KCTD1: variants seen among roughly 807,000 people sequenced by gnomAD.
The protein encoded by KCTD1 is BTB/POZ domain-containing protein KCTD1.
Under a neutral mutation model 66.0 loss-of-function variants are expected in KCTD1, and 24 were observed. That is an observed-to-expected ratio of 0.36 (90% CI 0.26 to 0.51). The LOEUF is 0.51. Ranked by LOEUF, KCTD1 falls within the 20% of genes least tolerant of loss-of-function variation. KCTD1 has a pLI of 0.95. For synonymous variants in KCTD1, 511 were observed against 517.2 expected (o/e 0.99, Z 0.16); for missense variants, 943 against 1,205.2 (o/e 0.78, Z 3.22).
intron 1 of KCTD1, among the ~76,000 whole-genome samples, chr18:26,623,457 C>T (rs1238055521): frequency 6.6e-6 from 1 of 152,112 alleles, no homozygotes; most frequent in Non-Finnish European, 1.5e-5. Context: ...CCCCATGCTG[C>T]TGTTCTCATG....
At chr18:26,562,070 TA>T (rs1985866938) in intron 1 of KCTD1, among the ~76,000 whole-genome samples, 1 of 152,136 alleles carries the variant, frequency 6.6e-6, no homozygotes, top group Non-Finnish European at 1.5e-5. Flanking sequence ...AAATCCTAAC[TA>T]TGCCTTCGCC....
At chr18:26,577,273 A>G (rs1354168037) in intron 1 of KCTD1, among the ~76,000 whole-genome samples, 1 of 152,104 alleles carries the variant, frequency 6.6e-6, no homozygotes, top group Non-Finnish European at 1.5e-5. Flanking sequence ...TGATATTTAC[A>G]TCTGGGCTTT....
At chr18:26,501,465 C>G (rs908652867) in intron 1 of KCTD1, among the ~76,000 whole-genome samples, 1 of 152,192 alleles carries the variant, frequency 6.6e-6, no homozygotes, top group Non-Finnish European at 1.5e-5. Context: ...AAATAAGGAG[C>G]TGAACTAATG....
intron 2 of KCTD1, among the ~76,000 whole-genome samples, chr18:26,492,605 C>CAATAAATAAATAAATA (rs56266790): frequency 2.9e-5 from 4 of 138,544 alleles, no homozygotes; most frequent in South Asian, 2.5e-4. Flanking sequence ...GACACTGTCT[C>CAATAAATAAATAAATA]AATAAATAAA....
intron 1 of KCTD1, among the ~76,000 whole-genome samples, chr18:26,594,455 C>A (rs533266267): frequency 3.0e-4 from 45 of 152,258 alleles, no homozygotes; most frequent in Non-Finnish European, 6.0e-4. Flanking sequence ...CAAATTAAGT[C>A]TTTTAAAGTT....
At chr18:26,552,600 T>C (rs1284572397), upstream of KCTD1, among the ~76,000 whole-genome samples, 1 of 152,252 alleles carries the variant, frequency 6.6e-6, no homozygotes, top group Non-Finnish European at 1.5e-5. Flanking sequence ...TAATGGCTGC[T>C]TTGGATGAAT....
intron 1 of KCTD1, among the ~76,000 whole-genome samples, chr18:26,654,081 A>G (rs1218130875): frequency 6.6e-6 from 1 of 152,268 alleles, no homozygotes. Context: ...TCACATCAGA[A>G]GTAGAAAACT....
At chr18:26,642,526 A>G (rs981759786), upstream of KCTD1, among the ~76,000 whole-genome samples, 1 of 152,222 alleles carries the variant, frequency 6.6e-6, no homozygotes, top group Non-Finnish European at 1.5e-5. Context: ...TCAGTTGGAA[A>G]GTGGTAGGAA....
At chr18:26,628,792 C>T (rs1455999700) in intron 1 of KCTD1, among the ~76,000 whole-genome samples, 1 of 152,110 alleles carries the variant, frequency 6.6e-6, no homozygotes, top group Non-Finnish European at 1.5e-5. Flanking sequence ...AAGATAGAGG[C>T]TTCTAATTAA....
At chr18:26,579,573 T>C (rs1986306430) in intron 1 of KCTD1, among the ~76,000 whole-genome samples, 1 of 152,246 alleles carries the variant, frequency 6.6e-6, no homozygotes, top group Non-Finnish European at 1.5e-5. Context: ...AGCTGTGTTC[T>C]CTTAAAATAT....
chr18:26,578,128 C>T (rs1312577064), intron 1 of KCTD1, among the ~76,000 whole-genome samples: 1 of 146,664 alleles, frequency 6.8e-6, no homozygotes, highest in Non-Finnish European at 1.5e-5. Context: ...CCGATCTCGG[C>T]TCACTGCAAC....
chr18:26,470,611 G>A (rs149127753), intron 3 of KCTD1, among the ~76,000 whole-genome samples: 163 of 152,354 alleles, frequency 1.1e-3, no homozygotes, highest in African/African-American at 3.8e-3. Flanking sequence ...CTTCTCACGT[G>A]AGAAAAACAA....
chr18:26,496,354 T>C (rs1598896842), intron 2 of KCTD1, among the ~76,000 whole-genome samples: 2 of 152,332 alleles, frequency 1.3e-5, no homozygotes. Flanking sequence ...TTTTCTTGAC[T>C]TCATACTTAT....
chr18:26,600,098 T>C, intron 1 of KCTD1: 1 of 1,610,766 alleles, frequency 6.2e-7, no homozygotes, highest in Non-Finnish European at 8.5e-7. Context: ...CCGGCTTCCC[T>C]GCAGGCTGCT....
chr18:26,516,441 G>A (rs1444369749), intron 1 of KCTD1, among the ~76,000 whole-genome samples: 4 of 152,054 alleles, frequency 2.6e-5, no homozygotes, highest in Non-Finnish European at 5.9e-5. Flanking sequence ...CAGTCCTCCC[G>A]CCAACCAATC....
intron 3 of KCTD1, among the ~76,000 whole-genome samples, chr18:26,473,682 T>C (rs1981192381): frequency 6.6e-6 from 1 of 152,136 alleles, no homozygotes; most frequent in Non-Finnish European, 1.5e-5. Context: ...TTAGGAGCCA[T>C]GTTGCACAAA....
chr18:26,562,946 G>T (rs1295805783), intron 1 of KCTD1, among the ~76,000 whole-genome samples: 1 of 152,132 alleles, frequency 6.6e-6, no homozygotes, highest in Non-Finnish European at 1.5e-5. Flanking sequence ...ACACTGCAGG[G>T]TTAGCGCTTC....
At position 26,499,446 on chromosome 18, in the gene KCTD1, T is replaced by G. The variant is rs187830161; in HGVS notation, c.1988+1626A>C. Among the ~76,000 whole-genome samples the G allele has an allele frequency of 3.3e-4, 50 of 152,362 alleles. 2 individuals are homozygous for G. The highest frequency in any genetic ancestry group is 3.3e-3 in the Admixed American group (50 of 15,308). On this transcript the variant is annotated intron_variant, in intron 2 of 4. Coordinates refer to ENST00000580059, the MANE Select transcript of KCTD1 (RefSeq NM_001142730.3). ...GGACTAAATAATACTAATAGATGAC[T>G]AATACAATCATTTCATTTTAAAGTA... is the stretch of plus-strand genomic sequence containing the variant.
intron 1 of KCTD1, among the ~76,000 whole-genome samples, chr18:26,618,787 T>C (rs1360439800): frequency 2.6e-5 from 4 of 152,262 alleles, no homozygotes; most frequent in African/African-American, 9.6e-5. Flanking sequence ...ATCAGGGTTG[T>C]TATTATCTAG....
Sources: gnomAD v4.1 joint callset for allele counts (sites outside exome capture counted in the v4.1 genomes callset) on GRCh38, gnomAD v4.1.1 for gene constraint, MANE v1.5 for transcripts, NCBI Gene and HGNC (gene_info 2026-07-23, HGNC 2026-07-21) for gene names.